Variants in LTN1 observed in about 807,000 individuals in gnomAD.
The protein encoded by LTN1 is listerin E3 ubiquitin protein ligase 1.
LTN1 carries 88 observed loss-of-function variants against 201.2 expected under a neutral mutation model. The observed-to-expected ratio is 0.44, with a 90% CI of 0.37 to 0.52. The LOEUF (loss-of-function observed/expected upper bound fraction) is 0.52, where lower values mean the gene tolerates loss of function less well. LTN1 is among the 20% of genes least tolerant of loss of function. The pLI, the probability that LTN1 is intolerant of heterozygous loss-of-function variation, is 0.00. For synonymous variants in LTN1, 645 were observed against 713.5 expected, an observed-to-expected ratio of 0.90 and a Z score of 1.53; for missense variants, 1,752 against 2,038.7, an observed-to-expected ratio of 0.86 and a Z score of 2.71.
At chr21:28,967,231 A>G in intron 9 of LTN1, 52 bp from the exon 10 acceptor site, 1 of 1,248,382 alleles carries the variant, frequency 8.0e-7, no homozygotes, top group Non-Finnish European at 1.1e-6. Flanking sequence ...TTCAACCCCC[A>G]TCTCCTGGCA....
At chr21:28,957,180 A>T (rs2084432468) in intron 15 of LTN1, 152 bp downstream of exon 15, 1 of 784,898 alleles carries the variant, frequency 1.3e-6, no homozygotes. Flanking sequence ...TCTTGCAAAA[A>T]GCAAACATCC....
At chr21:28,983,486 A>G (rs1241327819) in intron 4 of LTN1, among the ~76,000 whole-genome samples, 1 of 152,212 alleles carries the variant, frequency 6.6e-6, no homozygotes, top group East Asian at 1.9e-4. Flanking sequence ...TCTCTCTAGA[A>G]AAACACGCTT....
At chr21:28,989,186 T>C (rs2084725727) in intron 1 of LTN1, among the ~76,000 whole-genome samples, 1 of 152,134 alleles carries the variant, frequency 6.6e-6, no homozygotes, top group Admixed American at 6.5e-5. Flanking sequence ...CAATCTCATG[T>C]GTAAACGGTT....
chr21:28,952,180 T>C lies in LTN1; in HGVS notation c.3324A>G (p.Pro1108=), dbSNP rs559548950. The C allele has an allele frequency of 6.3e-7, 1 of 1,599,432 alleles. No homozygotes were observed. Among genetic ancestry groups the C allele is most frequent in the South Asian group, 1.1e-5 (1 of 88,908 alleles). ...AATACCTTTCTTTTCTCTTATAATG[T>C]GGTTTTACTTCATCAGATGAAATGC... is the stretch of plus-strand genomic sequence containing the variant. ...SRSISSDEVK[P]HYKRKESFFP... The change falls in exon 18 of 30, where the codon CCA becomes CCG. Residue 1108 remains proline (P), a synonymous_variant. Transcript: ENST00000361371.
intron 19 of LTN1, among the ~76,000 whole-genome samples, chr21:28,946,784 A>G (rs1317891534): frequency 1.3e-5 from 2 of 152,220 alleles, no homozygotes; most frequent in Non-Finnish European, 2.9e-5. Context: ...CCACTGGTGT[A>G]TCTTAACACC....
intron 11 of LTN1, among the ~76,000 whole-genome samples, chr21:28,962,910 CAGA>C (rs1363298887): frequency 6.6e-6 from 1 of 152,178 alleles, no homozygotes; most frequent in African/African-American, 2.4e-5. Flanking sequence ...GTGGTCCAGA[CAGA>C]AGATCAAACG....
intron 10 of LTN1, 152 bp from the exon 11 acceptor site, chr21:28,966,058 C>T (rs1362126749): frequency 1.6e-6 from 1 of 611,124 alleles, no homozygotes; most frequent in African/African-American, 1.9e-5. Context: ...CATGCATGCG[C>T]CAACATGCCC....
chr21:28,982,845 C>T (rs929942247), intron 4 of LTN1, among the ~76,000 whole-genome samples: 3 of 152,216 alleles, frequency 2.0e-5, no homozygotes, highest in African/African-American at 7.2e-5. Context: ...GCTTTATCAG[C>T]AATAACAATA....
intron 12 of LTN1, chr21:28,959,907 C>G (rs2084460956): frequency 2.5e-6 from 1 of 407,776 alleles, no homozygotes; most frequent in Non-Finnish European, 4.1e-6. Flanking sequence ...CAGAAATGGT[C>G]TACAGTTAGG....
At chr21:28,987,029 C>A in intron 1 of LTN1, 95 bp from the exon 2 acceptor site, 1 of 743,950 alleles carries the variant, frequency 1.3e-6, no homozygotes, top group South Asian at 1.9e-5. Flanking sequence ...TCAGAATGAG[C>A]TTTTATTTTA....
At chr21:28,981,349 C>CTA in intron 5 of LTN1, 50 bp from the exon 6 acceptor site, 1 of 1,012,374 alleles carries the variant, frequency 9.9e-7, no homozygotes, top group Non-Finnish European at 1.3e-6. Context: ...ATTAGCCAAA[C>CTA]TATATATCTG....
intron 27 of LTN1, 33 bp from the exon 28 acceptor site, chr21:28,932,697 A>T: frequency 6.0e-6 from 9 of 1,487,624 alleles, no homozygotes; most frequent in Non-Finnish European, 8.3e-6. Flanking sequence ...TTGTTTGCCA[A>T]ATTTCTGTCT....
rs757794529 is a variant in LTN1, at chr21:28,944,483, A to G, written c.3882T>C (p.Asp1294=). ...GATTTACAGGAAGATTGCCAATGGTATCCAGAGTTGTGGAATCAAAGAAAG... is the reference window on the plus strand; with the variant it reads ...GATTTACAGGAAGATTGCCAATGGTGTCCAGAGTTGTGGAATCAAAGAAAG... ...LSAFFDSTTL[D]TIGNLPVNLI... is the part of the protein sequence containing the mutation. Residue 1294 remains aspartate, a synonymous_variant, in exon 22 of 30, where the codon GAT becomes GAC. Transcript: ENST00000361371. 3 of 1,614,022 alleles carry G rather than the reference A, an allele frequency of 1.9e-6. No homozygotes were observed. Among genetic ancestry groups the G allele is most frequent in the Non-Finnish European group, 1.7e-6 (2 of 1,179,902 alleles).
intron 1 of LTN1, among the ~76,000 whole-genome samples, chr21:28,988,106 C>T (rs2084712910): frequency 7.1e-6 from 1 of 139,900 alleles, no homozygotes; most frequent in African/African-American, 2.7e-5. Context: ...TGTGCCATTG[C>T]ACTCCAGCCT....
chr21:28,944,656 A>G, intron 21 of LTN1, 60 bp from the exon 22 acceptor site: 8 of 1,189,294 alleles, frequency 6.7e-6, no homozygotes, highest in Non-Finnish European at 9.6e-6. Context: ...CTACAAATAA[A>G]GCCAATATAA....
At chr21:28,959,395 A>G in intron 13 of LTN1, 63 bp downstream of exon 13, 5 of 1,550,344 alleles carry the variant, frequency 3.2e-6, no homozygotes, top group Non-Finnish European at 4.4e-6. Flanking sequence ...CTGGGCACTT[A>G]CACTCACTAT....
At chr21:28,979,627 C>T (rs920640487) in intron 6 of LTN1, among the ~76,000 whole-genome samples, 1 of 152,118 alleles carries the variant, frequency 6.6e-6, no homozygotes, top group Non-Finnish European at 1.5e-5. Context: ...CCCATGTTTG[C>T]CAATTCACCT....
chr21:28,981,069 T>G, intron 6 of LTN1, 50 bp downstream of exon 6: 1 of 1,131,828 alleles, frequency 8.8e-7, no homozygotes, highest in South Asian at 2.1e-5. Flanking sequence ...ACTAAGAAGA[T>G]GGGGGTAAGG....
At chr21:28,958,669 G>A (rs1160455950) in intron 13 of LTN1, 130 bp from the exon 14 acceptor site, 1 of 609,116 alleles carries the variant, frequency 1.6e-6, no homozygotes, top group African/African-American at 1.9e-5. Flanking sequence ...ATTTTAAATT[G>A]CCATTCAAAA....
Sources: gnomAD v4.1 joint callset for allele counts (sites outside exome capture counted in the v4.1 genomes callset) on GRCh38, gnomAD v4.1.1 for gene constraint, MANE v1.5 for transcripts, NCBI Gene and HGNC (gene_info 2026-07-23, HGNC 2026-07-21) for gene names.